Variants in RIN2 observed in about 807,000 individuals in gnomAD.
RIN2 encodes Ras and Rab interactor 2.
In RIN2, 36 loss-of-function variants were observed where a neutral mutation model predicts 78.0. The ratio of observed to expected loss-of-function variants is 0.46; its 90% confidence interval spans 0.35 to 0.61. The LOEUF (loss-of-function observed/expected upper bound fraction) is 0.61. Ranked by LOEUF, RIN2 falls within the 20% of genes least tolerant of loss-of-function variation. The pLI, the probability that RIN2 is intolerant of heterozygous loss-of-function variation, is 0.00. For missense variants in RIN2, 1,087 were observed against 1,159.7 expected, an observed-to-expected ratio of 0.94 and a Z score of 0.91; for synonymous variants, 466 against 466.8, an observed-to-expected ratio of 1.00 and a Z score of 0.02.
At chr20:19,909,110 C>T (rs143053994) in intron 3 of RIN2, among the ~76,000 whole-genome samples, 1,566 of 152,212 alleles carry the variant, frequency 0.01, 33 homozygotes, top group African/African-American at 0.036. Context: ...GTGATCCACC[C>T]ACCTGGGCCT....
intron 2 of RIN2, among the ~76,000 whole-genome samples, chr20:19,825,021 A>G (rs768546972): frequency 9.2e-5 from 14 of 152,336 alleles, no homozygotes; most frequent in Middle Eastern, 3.4e-3. Context: ...ACCAAAGCAT[A>G]ACAGTCAGCA....
At chr20:19,838,356 T>G (rs541097605) in intron 2 of RIN2, among the ~76,000 whole-genome samples, 1 of 152,220 alleles carries the variant, frequency 6.6e-6, no homozygotes, top group Non-Finnish European at 1.5e-5. Context: ...TTTTGTACTT[T>G]CTAAAAATTA....
intron 2 of RIN2, among the ~76,000 whole-genome samples, chr20:19,841,741 G>A (rs749545553): frequency 2.2e-4 from 33 of 152,162 alleles, no homozygotes; most frequent in Admixed American, 6.5e-4. Context: ...GTCCTGCTGG[G>A]GAGCTTTGTC....
intron 2 of RIN2, among the ~76,000 whole-genome samples, chr20:19,817,308 G>C (rs959939717): frequency 2.0e-5 from 3 of 152,170 alleles, no homozygotes. Context: ...CAGTCCCTGG[G>C]GAAGGCTCAC....
At chr20:19,929,911 A>G (rs928501945) in intron 3 of RIN2, among the ~76,000 whole-genome samples, 1 of 152,196 alleles carries the variant, frequency 6.6e-6, no homozygotes, top group Non-Finnish European at 1.5e-5. Flanking sequence ...GAGGGGAGGA[A>G]GTGTTTTGTG....
At chr20:19,829,634 T>A (rs1280454263) in intron 2 of RIN2, among the ~76,000 whole-genome samples, 1 of 152,108 alleles carries the variant, frequency 6.6e-6, no homozygotes. Flanking sequence ...CTCTAGCTGG[T>A]TTAGGCAGGG....
intron 2 of RIN2, among the ~76,000 whole-genome samples, chr20:19,808,742 A>G (rs2035492767): frequency 6.6e-6 from 1 of 152,156 alleles, no homozygotes; most frequent in Non-Finnish European, 1.5e-5. Context: ...GCCACGCAAT[A>G]TCTACTCAGC....
At chr20:19,864,928 A>C (rs769315236) in intron 2 of RIN2, among the ~76,000 whole-genome samples, 1 of 152,196 alleles carries the variant, frequency 6.6e-6, no homozygotes, top group Non-Finnish European at 1.5e-5. Flanking sequence ...AACACTTTCT[A>C]TAGCATTCAA....
At chr20:19,840,251 G>C (rs1022048442) in intron 2 of RIN2, among the ~76,000 whole-genome samples, 1 of 152,200 alleles carries the variant, frequency 6.6e-6, no homozygotes, top group Admixed American at 6.5e-5. Flanking sequence ...AAGTGGGTGA[G>C]TCTGGGTCTC....
At chr20:19,924,008 AC>A (rs2040043173) in intron 3 of RIN2, among the ~76,000 whole-genome samples, 1 of 48,862 alleles carries the variant, frequency 2.0e-5, no homozygotes, top group Non-Finnish European at 3.9e-5. Flanking sequence ...TTATACCCCC[AC>A]CTTCGTATCC....
rs1036584023 is a variant in RIN2 at position 19,838,624 on chromosome 20, G to A, written c.-37+38877G>A. ...CTTTATCACTGGGATTCATGCTGGG[G>A]GCTGGAGCTGGCTGCTTCCAGTCAG... On this transcript the variant is annotated intron_variant, in intron 2 of 12. Coordinates refer to ENST00000255006, the MANE Select transcript of RIN2 (RefSeq NM_018993.4). 8.5e-5 allele frequency among the ~76,000 whole-genome samples: 13 copies of A among 152,216 alleles called. No individual in the cohort carries two copies. In the East Asian group the frequency reaches 2.1e-3, roughly 25 times the overall value.
At chr20:19,764,659 AC>A (rs1232508097) in intron 1 of RIN2, among the ~76,000 whole-genome samples, 2 of 151,890 alleles carry the variant, frequency 1.3e-5, no homozygotes, top group Non-Finnish European at 2.9e-5. Flanking sequence ...TGCATAGAAA[AC>A]CTTTCCACTT....
intron 4 of RIN2, among the ~76,000 whole-genome samples, chr20:19,953,839 GT>G (rs11483465): frequency 1.3e-5 from 2 of 152,102 alleles, no homozygotes; most frequent in Non-Finnish European, 2.9e-5. Context: ...TGAAGAGTAT[GT>G]TTTTTTAACT....
chr20:19,973,466 C>T (rs1275440545), intron 8 of RIN2, among the ~76,000 whole-genome samples: 5 of 152,176 alleles, frequency 3.3e-5, no homozygotes, highest in Admixed American at 1.3e-4. Flanking sequence ...GAAAGAAAGA[C>T]ACTGCAAAGC....
At chr20:19,928,330 A>G (rs2040309298) in intron 3 of RIN2, among the ~76,000 whole-genome samples, 1 of 152,102 alleles carries the variant, frequency 6.6e-6, no homozygotes, top group Non-Finnish European at 1.5e-5. Flanking sequence ...GACCCAGCCA[A>G]CCGGGGCCCG....
At chr20:19,929,731 A>T (rs1418137421) in intron 3 of RIN2, among the ~76,000 whole-genome samples, 1 of 152,182 alleles carries the variant, frequency 6.6e-6, no homozygotes, top group African/African-American at 2.4e-5. Flanking sequence ...TTGTTGGGTG[A>T]CAAGTTATTT....
At chr20:19,962,670 C>T (rs371924) in intron 6 of RIN2, among the ~76,000 whole-genome samples, 1,663 of 152,292 alleles carry the variant, frequency 0.011, 30 homozygotes, top group South Asian at 0.048. Context: ...TGTTTATCTT[C>T]TCTGTGAATT....
At chr20:19,998,377 G>A (rs765797473) in intron 12 of RIN2, among the ~76,000 whole-genome samples, 2 of 151,982 alleles carry the variant, frequency 1.3e-5, no homozygotes, top group African/African-American at 2.4e-5. Flanking sequence ...CAGGAAGATC[G>A]CTTGAGGCCA....
chr20:19,846,135 G>A (rs547085287), intron 2 of RIN2, among the ~76,000 whole-genome samples: 4 of 152,288 alleles, frequency 2.6e-5, no homozygotes, highest in East Asian at 3.9e-4. Context: ...CTGTAGCCTT[G>A]TAGTATAGTT....
Sources: allele counts gnomAD v4.1 joint callset (sites outside exome capture counted in the v4.1 genomes callset), GRCh38; gene constraint gnomAD v4.1.1; transcripts MANE v1.5; gene names NCBI Gene and HGNC (gene_info 2026-07-23, HGNC 2026-07-21).